ZNF532: variants seen among roughly 807,000 people sequenced by gnomAD.
ZNF532 encodes zinc finger protein 532.
In ZNF532, 22 loss-of-function variants were observed where a neutral mutation model predicts 89.3. That is an observed-to-expected ratio of 0.25 (90% confidence interval 0.18 to 0.35). The LOEUF is 0.35. Among genes scored for constraint, ZNF532 ranks in the 10% least tolerant of loss-of-function variants. The probability of loss-of-function intolerance (pLI) is 1.00; values close to 1 mark genes in which losing one functional copy is unlikely to be tolerated. For synonymous variants in ZNF532, 606 were observed against 649.6 expected (o/e 0.93, Z 1.02); for missense variants, 1,132 against 1,643.4 (o/e 0.69, Z 5.38).
At chr18:58,872,697 T>A (rs1183812225) in intron 2 of ZNF532, among the ~76,000 whole-genome samples, 1 of 131,280 alleles carries the variant, frequency 7.6e-6, no homozygotes, top group African/African-American at 3.4e-5. Context: ...CCAACATTTA[T>A]CTTTTTTTTT....
At chr18:58,969,410 C>T (rs772848667) in intron 7 of ZNF532, among the ~76,000 whole-genome samples, 27 of 152,214 alleles carry the variant, frequency 1.8e-4, no homozygotes, top group Admixed American at 5.2e-4. Context: ...GTCATTGCAA[C>T]ACCACAATCA....
In ZNF532 at chr18:58,918,860, G is replaced by A. The variant is rs371823083; in HGVS notation, c.573G>A (p.Thr191=). ...ACTCCAGCAAAACTGGACTCTCTAC[G>A]TCAGGCAATGTGGAGAAAAACAAAG... ...GENSSKTGLS[T]SGNVEKNKAV... The change falls in exon 3 of 10, where the codon ACG becomes ACA. Residue 191 remains threonine, a synonymous_variant. Transcript: ENST00000591808. 9 of 1,614,014 alleles carry A rather than the reference G, an allele frequency of 5.6e-6. No individual in the cohort carries two copies. The highest frequency in any genetic ancestry group is 2.2e-5 in the East Asian group (1 of 44,892).
At chr18:58,957,880 C>T (rs1460762968) in intron 7 of ZNF532, among the ~76,000 whole-genome samples, 1 of 152,054 alleles carries the variant, frequency 6.6e-6, no homozygotes, top group East Asian at 1.9e-4. Context: ...CCCTGGCCAA[C>T]ATGACGAAAC....
intron 5 of ZNF532, among the ~76,000 whole-genome samples, chr18:58,941,738 G>A (rs920478236): frequency 1.3e-5 from 2 of 151,932 alleles, no homozygotes; most frequent in African/African-American, 2.4e-5. Flanking sequence ...TTGCAGGTGC[G>A]AGCCACTGCA....
In ZNF532 at chr18:58,874,341, T is replaced by C. The variant is rs544459712; in HGVS notation, c.-18+8762T>C. Among the ~76,000 whole-genome samples, 3 of 150,430 alleles carry C rather than the reference T, an allele frequency of 2.0e-5. No individual in the cohort carries two copies. In the South Asian group the frequency reaches 6.5e-4, roughly 33 times the overall value. ...TGAATTTTGTATTTATTTATTTATA[T>C]TTTATTCTATTATTTTTTTTGAGAG... On this transcript the variant is annotated intron_variant, in intron 2 of 9. Coordinates refer to ENST00000591808, the MANE Select transcript of ZNF532 (RefSeq NM_001375912.1).
rs893861966 is a variant in ZNF532, at chr18:58,985,388, T to C, written c.*922T>C. Reference sequence around the variant, plus strand: ...GAAACACAGCTAAGAATATCAAGTATTTCTCTGGCTCTTGACAGAAAAAAA... The same window carrying C: ...GAAACACAGCTAAGAATATCAAGTACTTCTCTGGCTCTTGACAGAAAAAAA... On this transcript the variant is annotated 3_prime_UTR_variant, in exon 10 of 10. Coordinates refer to ENST00000591808, the MANE Select transcript of ZNF532 (RefSeq NM_001375912.1). 6.6e-6 allele frequency: 1 copy of C among 152,638 alleles called. No individual in the cohort carries two copies. The allele number at this position is 152,638 out of a possible 1,614,324, so 9.5% of individuals were successfully genotyped here.
chr18:58,927,302 C>T (rs2061604087), intron 3 of ZNF532, among the ~76,000 whole-genome samples: 1 of 152,098 alleles, frequency 6.6e-6, no homozygotes, highest in South Asian at 2.1e-4. Flanking sequence ...GTCTTGGCTG[C>T]ACCTCTACTT....
At position 58,910,113 on chromosome 18, in the gene ZNF532, G is replaced by T. The variant is rs2060189721; in HGVS notation, c.-17-8158G>T. The stretch of plus-strand genomic sequence containing the variant: ...ATAAATGTTGCAAAAATAGGACAGA[G>T]AATTTCTGTGTACTCATTTACCCAA... On this transcript the variant is annotated intron_variant, in intron 2 of 9. Transcript: ENST00000591808. Among the ~76,000 whole-genome samples the T allele has an allele frequency of 2.0e-5, 3 of 152,092 alleles. No individual in the cohort carries two copies. The South Asian group carries it at 6.2e-4, about 32-fold the overall frequency.
chr18:58,900,348 C>T (rs752550980), intron 2 of ZNF532, among the ~76,000 whole-genome samples: 44 of 152,344 alleles, frequency 2.9e-4, no homozygotes, highest in Non-Finnish European at 5.0e-4. Context: ...AGGTCAGGCT[C>T]TCTGTTCTGG....
intron 2 of ZNF532, among the ~76,000 whole-genome samples, chr18:58,869,473 CA>C (rs1232912638): frequency 6.6e-6 from 1 of 152,182 alleles, no homozygotes; most frequent in Non-Finnish European, 1.5e-5. Flanking sequence ...AAACATTTGG[CA>C]GTCTAATTTT....
intron 8 of ZNF532, 122 bp downstream of exon 8, chr18:58,979,289 GTAT>G: frequency 1.7e-6 from 1 of 591,432 alleles, no homozygotes; most frequent in South Asian, 4.3e-5. Context: ...TTTCTCAATT[GTAT>G]TATTGTTTTG....
rs1555708847 is a variant in ZNF532, at chr18:58,888,711, A to AAAT, written c.-18+23132_-18+23133insAAT. Among the ~76,000 whole-genome samples, 4 of 12,744 alleles carry AAAT rather than the reference A, an allele frequency of 3.1e-4. 1 individual carries two copies. The highest frequency in any genetic ancestry group is 4.4e-4 in the Non-Finnish European group (3 of 6,856). 8.4% of individuals were successfully genotyped at this position (12,744 alleles called of 152,430 possible). On this transcript the variant is annotated intron_variant, in intron 2 of 9. Coordinates refer to ENST00000591808, the MANE Select transcript of ZNF532 (RefSeq NM_001375912.1). ...CAAAAAAAAAATTATATATATATAT[A>AAAT]TATATATATATATAAATTATATATA...
At chr18:58,900,238 C>T (rs568430731) in intron 2 of ZNF532, among the ~76,000 whole-genome samples, 18 of 152,264 alleles carry the variant, frequency 1.2e-4, no homozygotes, top group East Asian at 1.9e-4. Flanking sequence ...AGTCAGCATC[C>T]GGAATCTTTT....
In ZNF532 at chr18:58,959,263, T is replaced by TG. The variant is rs1282716402; in HGVS notation, c.3150+5464_3150+5465insG. On this transcript the variant is annotated intron_variant, in intron 7 of 9. Transcript: ENST00000591808. The stretch of plus-strand genomic sequence containing the variant: ...TCTTTTCAGTTTTTTGTTTTTTGTT[T>TG]TTTTTTGTTTTTTTTTGGTTTTTTT... 4.1e-5 allele frequency among the ~76,000 whole-genome samples: 6 copies of TG among 147,140 alleles called. 1 individual carries two copies. Among genetic ancestry groups the TG allele is most frequent in the South Asian group, 2.2e-4 (1 of 4,608 alleles).
chr18:58,927,514 T>C (rs182520000), intron 3 of ZNF532, among the ~76,000 whole-genome samples: 365 of 152,144 alleles, frequency 2.4e-3, no homozygotes, highest in Middle Eastern at 6.8e-3. Context: ...ATCTGGGATA[T>C]ATGAGGCGAA....
At chr18:58,878,069 A>G (rs934250903) in intron 2 of ZNF532, among the ~76,000 whole-genome samples, 4 of 152,148 alleles carry the variant, frequency 2.6e-5, no homozygotes, top group African/African-American at 9.7e-5. Flanking sequence ...AGTCTGGCCA[A>G]CATGGTGAAA....
intron 2 of ZNF532, among the ~76,000 whole-genome samples, chr18:58,867,872 CTT>C (rs2056621192): frequency 6.6e-6 from 1 of 152,196 alleles, no homozygotes; most frequent in Non-Finnish European, 1.5e-5. Context: ...CACACGCTCT[CTT>C]TTTCTTCTGT....
intron 7 of ZNF532, among the ~76,000 whole-genome samples, chr18:58,959,253 G>GTTTTTTTTTTTTTTTTTTTTTTT (rs201150500): frequency 2.5e-5 from 3 of 121,638 alleles, no homozygotes; most frequent in African/African-American, 7.2e-5. Context: ...TCAGTTTTTT[G>GTTTTTTTTTTTTTTTTTTTTTTT]TTTTTTGTTT....
chr18:58,881,136 C>A (rs1243342030), intron 2 of ZNF532, among the ~76,000 whole-genome samples: 1 of 150,702 alleles, frequency 6.6e-6, no homozygotes, highest in Non-Finnish European at 1.5e-5. Context: ...GAGTCTCGCT[C>A]TGTCGCCCGG....
Sources: allele counts gnomAD v4.1 joint callset (sites outside exome capture counted in the v4.1 genomes callset), GRCh38; gene constraint gnomAD v4.1.1; transcripts MANE v1.5; gene names NCBI Gene and HGNC (gene_info 2026-07-23, HGNC 2026-07-21).